Variants in AHI1 observed in about 807,000 individuals in gnomAD.
AHI1 encodes jouberin.
Under a neutral mutation model 149.3 loss-of-function variants are expected in AHI1, and 123 were observed. The ratio of observed to expected loss-of-function variants is 0.82; its 90% confidence interval spans 0.71 to 0.96. The LOEUF is 0.96. Ranked by LOEUF, AHI1 falls within the 40% of genes least tolerant of loss-of-function variation. The pLI is 0.00. For synonymous variants in AHI1, 475 were observed against 459.8 expected (o/e 1.03, Z -0.42); for missense variants, 1,439 against 1,422.7 (o/e 1.01, Z -0.18).
In AHI1 at chr6:135,284,118, A is replaced by T. The variant is rs1781477768; in HGVS notation, c.*1527T>A. Reference sequence around the variant, plus strand: ...TGACACACAGACTTATACATCCAGAACAATGAAAACTCAGTGCCATCAGAA... The same window carrying T: ...TGACACACAGACTTATACATCCAGATCAATGAAAACTCAGTGCCATCAGAA... On this transcript the variant is annotated 3_prime_UTR_variant, in exon 29 of 29. Coordinates refer to ENST00000265602, the MANE Select transcript of AHI1 (RefSeq NM_001134831.2). The T allele has an allele frequency of 6.6e-6, 1 of 152,210 alleles. No homozygotes were observed. Among genetic ancestry groups the T allele is most frequent in the Non-Finnish European group, 1.5e-5 (1 of 68,028 alleles). The allele number at this position is 152,210 out of a possible 1,614,324, so 9.4% of individuals were successfully genotyped here.
intron 23 of AHI1, among the ~76,000 whole-genome samples, chr6:135,374,321 C>A (rs1255090981): frequency 6.6e-6 from 1 of 151,396 alleles, no homozygotes; most frequent in Non-Finnish European, 1.5e-5. Flanking sequence ...AGTGTGTTAG[C>A]CAGGCTGGTC....
chr6:135,446,949 G>A (rs2128055967), intron 13 of AHI1, 59 bp downstream of exon 13: 2 of 1,500,608 alleles, frequency 1.3e-6, no homozygotes, highest in Non-Finnish European at 1.8e-6. Context: ...AGGAGTTATT[G>A]GAGTTTTTAA....
intron 26 of AHI1, among the ~76,000 whole-genome samples, chr6:135,312,847 C>G (rs1325040587): frequency 6.6e-6 from 1 of 152,172 alleles, no homozygotes; most frequent in Non-Finnish European, 1.5e-5. Context: ...GTCACTAGTT[C>G]TGTAATTCTA....
chr6:135,487,186 TA>T (rs939742019), intron 5 of AHI1, among the ~76,000 whole-genome samples: 1 of 152,132 alleles, frequency 6.6e-6, no homozygotes, highest in Non-Finnish European at 1.5e-5. Flanking sequence ...TACATTCTTT[TA>T]AAAAAACTCA....
intron 26 of AHI1, among the ~76,000 whole-genome samples, chr6:135,314,904 A>C (rs1165409922): frequency 6.6e-6 from 1 of 152,210 alleles, no homozygotes; most frequent in Admixed American, 6.5e-5. Flanking sequence ...AATGGCTGTC[A>C]ATATTGGCTG....
intron 11 of AHI1, among the ~76,000 whole-genome samples, chr6:135,451,875 TA>T (rs1430502058): frequency 6.6e-6 from 1 of 151,988 alleles, no homozygotes; most frequent in Non-Finnish European, 1.5e-5. Flanking sequence ...TTCTTTGCTC[TA>T]AATCAGTATG....
At chr6:135,488,913 T>C (rs1794858882) in intron 5 of AHI1, among the ~76,000 whole-genome samples, 1 of 152,192 alleles carries the variant, frequency 6.6e-6, no homozygotes, top group Non-Finnish European at 1.5e-5. Context: ...CCATTTACTA[T>C]GTAACTTTCA....
intron 23 of AHI1, among the ~76,000 whole-genome samples, chr6:135,392,037 C>G (rs1392603169): frequency 6.6e-6 from 1 of 152,146 alleles, no homozygotes; most frequent in Non-Finnish European, 1.5e-5. Flanking sequence ...TCCATTGGAA[C>G]ACATAAAGTT....
intron 26 of AHI1, chr6:135,301,056 T>A: frequency 1.0e-6 from 1 of 985,110 alleles, no homozygotes; most frequent in Non-Finnish European, 1.2e-6. Context: ...GGCACCTTCG[T>A]GAGAAAAACA....
rs1491096161 is a variant in AHI1 at position 135,361,645 on chromosome 6, T to TCATA, written c.3110-3459_3110-3458insTATG. Among the ~76,000 whole-genome samples, 114 of 133,902 alleles carry TCATA rather than the reference T, an allele frequency of 8.5e-4. 1 individual carries two copies. Among genetic ancestry groups the TCATA allele is most frequent in the African/African-American group, 2.9e-3 (105 of 36,268 alleles). 87.8% of individuals were successfully genotyped at this position (133,902 alleles called of 152,430 possible). A position where few individuals can be genotyped will look rare whatever the true frequency, so the allele number is the denominator to read the frequency against. On this transcript the variant is annotated intron_variant, in intron 23 of 28. Coordinates refer to ENST00000265602, the MANE Select transcript of AHI1 (RefSeq NM_001134831.2). ...AATCAGGAGGTACCTAGGTATGGTTTCACACACACACACACACACACACAC... is the reference window on the plus strand; with the variant it reads ...AATCAGGAGGTACCTAGGTATGGTTTCATACACACACACACACACACACACACAC...
At chr6:135,321,308 A>G (rs1369595435) in intron 25 of AHI1, among the ~76,000 whole-genome samples, 1 of 152,238 alleles carries the variant, frequency 6.6e-6, no homozygotes, top group Non-Finnish European at 1.5e-5. Context: ...GTCATTCACT[A>G]CTTACAAGAA....
chr6:135,409,751 A>G (rs1468441038), intron 21 of AHI1, among the ~76,000 whole-genome samples: 1 of 152,186 alleles, frequency 6.6e-6, no homozygotes, highest in Non-Finnish European at 1.5e-5. Context: ...TTAAAAATCA[A>G]GCGATTTCAC....
At chr6:135,473,292 C>T (rs764195830) in intron 5 of AHI1, among the ~76,000 whole-genome samples, 1 of 152,116 alleles carries the variant, frequency 6.6e-6, no homozygotes, top group Non-Finnish European at 1.5e-5. Context: ...CCCTATTCTG[C>T]TCTACTGATT....
At chr6:135,482,321 G>A (rs1346905466) in intron 5 of AHI1, among the ~76,000 whole-genome samples, 1 of 152,148 alleles carries the variant, frequency 6.6e-6, no homozygotes. Context: ...AAAAAGCCTA[G>A]TCTAGTGTTT....
intron 27 of AHI1, among the ~76,000 whole-genome samples, chr6:135,293,428 A>AG (rs1190386178): frequency 7.3e-6 from 1 of 137,058 alleles, no homozygotes; most frequent in African/African-American, 2.6e-5. Flanking sequence ...AAAAAAAGAA[A>AG]AAAAGAAAGA....
intron 23 of AHI1, among the ~76,000 whole-genome samples, chr6:135,373,405 G>C (rs1650961536): frequency 1.3e-5 from 2 of 152,182 alleles, no homozygotes; most frequent in Admixed American, 1.3e-4. Context: ...TACACTCTAT[G>C]ATATTTGCAT....
At chr6:135,390,062 G>A (rs188100152) in intron 23 of AHI1, among the ~76,000 whole-genome samples, 29 of 151,802 alleles carry the variant, frequency 1.9e-4, no homozygotes, top group Admixed American at 1.4e-3. Flanking sequence ...TAGTATTAGC[G>A]TATCTTATGT....
intron 22 of AHI1, among the ~76,000 whole-genome samples, chr6:135,399,302 A>G (rs991003912): frequency 1.3e-5 from 2 of 152,208 alleles, no homozygotes; most frequent in African/African-American, 4.8e-5. Context: ...TCTCCCTCTG[A>G]TTCCGTTACT....
chr6:135,361,932 T>C (rs1793952310), intron 23 of AHI1, among the ~76,000 whole-genome samples: 1 of 152,156 alleles, frequency 6.6e-6, no homozygotes, highest in Non-Finnish European at 1.5e-5. Context: ...AGATTTTGTG[T>C]ATCTGTCACC....
Sources: allele counts gnomAD v4.1 joint callset (sites outside exome capture counted in the v4.1 genomes callset), GRCh38; gene constraint gnomAD v4.1.1; transcripts MANE v1.5; gene names NCBI Gene and HGNC (gene_info 2026-07-23, HGNC 2026-07-21).